TFDP2: variants seen among roughly 807,000 people sequenced by gnomAD.
The protein encoded by TFDP2 is transcription factor Dp-2.
TFDP2 carries 17 observed loss-of-function variants against 59.3 expected under a neutral mutation model. The ratio of observed to expected loss-of-function variants is 0.29; its 90% CI spans 0.20 to 0.43. TFDP2 has a LOEUF of 0.43. Ranked by LOEUF, TFDP2 falls within the 20% of genes least tolerant of loss-of-function variation. The probability of loss-of-function intolerance (pLI) is 1.00; values close to 1 mark genes in which losing one functional copy is unlikely to be tolerated. For missense variants in TFDP2, 391 were observed against 528.8 expected, an observed-to-expected ratio of 0.74 and a Z score of 2.56; for synonymous variants, 180 against 194.7, an observed-to-expected ratio of 0.92 and a Z score of 0.63.
chr3:142,007,554 G>T (rs1159063335), intron 3 of TFDP2, among the ~76,000 whole-genome samples: 1 of 152,184 alleles, frequency 6.6e-6, no homozygotes, highest in Non-Finnish European at 1.5e-5. Context: ...GTTTTGCAAT[G>T]ATTCCAGAAT....
chr3:141,986,541 AATTC>A (rs1431193311), intron 6 of TFDP2, among the ~76,000 whole-genome samples: 4 of 152,316 alleles, frequency 2.6e-5, no homozygotes, highest in African/African-American at 9.6e-5. Flanking sequence ...AATACATTGC[AATTC>A]ATTCATCCAT....
rs377301124 is a variant in TFDP2 at position 141,950,335 on chromosome 3, G to A, written c.*2178C>T. 101 of 152,324 alleles carry A rather than the reference G, an allele frequency of 6.6e-4. No individual in the cohort carries two copies. Among genetic ancestry groups the A allele is most frequent in the African/African-American group, 2.3e-3 (97 of 41,586 alleles). 9.4% of individuals were successfully genotyped at this position (152,324 alleles called of 1,614,324 possible). On this transcript the variant is annotated 3_prime_UTR_variant, in exon 13 of 13. Transcript: ENST00000489671. The stretch of plus-strand genomic sequence containing the variant: ...TAACCCAAACACAACGCTGAGGAAG[G>A]AGACCATTTCCCACCAACAGCACAC...
intron 3 of TFDP2, among the ~76,000 whole-genome samples, chr3:142,066,393 C>T (rs1209268542): frequency 6.6e-6 from 1 of 152,144 alleles, no homozygotes; most frequent in Non-Finnish European, 1.5e-5. Context: ...ATGCACCTAA[C>T]CTATCAAACA....
intron 4 of TFDP2, among the ~76,000 whole-genome samples, chr3:142,003,279 A>G (rs553260395): frequency 5.6e-4 from 85 of 151,588 alleles, no homozygotes; most frequent in African/African-American, 2.0e-3. Context: ...GATTACAGAC[A>G]TGAGCCACCA....
intron 3 of TFDP2, among the ~76,000 whole-genome samples, chr3:142,027,205 G>A (rs1377161950): frequency 6.6e-6 from 1 of 151,806 alleles, no homozygotes; most frequent in African/African-American, 2.4e-5. Flanking sequence ...AATTATACAG[G>A]CTACAGGCAA....
intron 10 of TFDP2, among the ~76,000 whole-genome samples, chr3:141,960,852 G>A (rs1213053860): frequency 1.3e-5 from 2 of 152,030 alleles, no homozygotes; most frequent in African/African-American, 4.8e-5. Context: ...AAAGCCTCTT[G>A]GCTAATTATG....
intron 7 of TFDP2, among the ~76,000 whole-genome samples, chr3:141,975,128 G>C (rs969636141): frequency 7.9e-5 from 12 of 151,748 alleles, no homozygotes; most frequent in South Asian, 2.1e-4. Flanking sequence ...TGGCCAGGCT[G>C]ATCTTGAACT....
intron 4 of TFDP2, among the ~76,000 whole-genome samples, chr3:141,999,881 G>A (rs1379447374): frequency 2.0e-5 from 3 of 151,912 alleles, no homozygotes; most frequent in Non-Finnish European, 4.4e-5. Flanking sequence ...GACTACAGGC[G>A]CCTGCCACCA....
intron 3 of TFDP2, among the ~76,000 whole-genome samples, chr3:142,065,797 C>T (rs2060058641): frequency 6.6e-6 from 1 of 151,698 alleles, no homozygotes; most frequent in South Asian, 2.1e-4. Flanking sequence ...TGGACACCTG[C>T]CAAAGAATTT....
intron 7 of TFDP2, among the ~76,000 whole-genome samples, chr3:141,977,692 A>G (rs913178312): frequency 5.9e-4 from 89 of 151,980 alleles, no homozygotes; most frequent in African/African-American, 2.1e-3. Context: ...AACAATAAAA[A>G]ATTATTGGAT....
At chr3:142,148,942 G>T (rs904132458) in intron 1 of TFDP2, among the ~76,000 whole-genome samples, 2 of 152,208 alleles carry the variant, frequency 1.3e-5, no homozygotes, top group African/African-American at 4.8e-5. Context: ...CGTGACTCAG[G>T]GACGTTACCT....
rs1346238063 is a variant in TFDP2, at chr3:141,998,331, C to A, written c.187-3190G>T. On this transcript the variant is annotated intron_variant, in intron 4 of 12. Transcript: ENST00000489671. Reference sequence around the variant, plus strand: ...CTTAATTTTGAAATCCCAGGCCAGGCACAGTGGCTCACTCCTATAATCCCC... The same window carrying A: ...CTTAATTTTGAAATCCCAGGCCAGGAACAGTGGCTCACTCCTATAATCCCC... 2.0e-5 allele frequency among the ~76,000 whole-genome samples: 3 copies of A among 152,150 alleles called. No individual in the cohort carries two copies. The East Asian group carries it at 5.8e-4, about 29-fold the overall frequency.
chr3:142,005,581 C>T (rs548638386), intron 3 of TFDP2, 37 bp from the exon 4 acceptor site: 1 of 1,446,528 alleles, frequency 6.9e-7, no homozygotes, highest in East Asian at 2.4e-5. Flanking sequence ...AGTATTCTGC[C>T]ATACCAAGGC....
intron 9 of TFDP2, among the ~76,000 whole-genome samples, chr3:141,965,171 A>G (rs1386652616): frequency 6.7e-6 from 1 of 150,016 alleles, no homozygotes; most frequent in African/African-American, 2.5e-5. Context: ...TGCTCAAGAA[A>G]CAGATAACGT....
rs10589827 is a variant in TFDP2 at position 142,025,024 on chromosome 3, G to GA, written c.83-19481dup. Among the ~76,000 whole-genome samples, 179 of 144,626 alleles carry GA rather than the reference G, an allele frequency of 1.2e-3. 3 individuals are homozygous for GA. Among genetic ancestry groups the GA allele is most frequent in the African/African-American group, 4.1e-3 (160 of 39,336 alleles). 94.9% of individuals were successfully genotyped at this position (144,626 alleles called of 152,430 possible). A position where few individuals can be genotyped will look rare whatever the true frequency, so the allele number is the denominator to read the frequency against. ...GACAACAGCGAGACTCTGTCTCAAA[G>GA]AAAAAAAAAAAAAGATTTAATTTAA... On this transcript the variant is annotated intron_variant, in intron 3 of 12. Transcript: ENST00000489671.
intron 3 of TFDP2, among the ~76,000 whole-genome samples, chr3:142,071,200 A>G (rs1015346781): frequency 2.0e-5 from 3 of 151,734 alleles, no homozygotes; most frequent in Admixed American, 2.0e-4. Flanking sequence ...TCTGTCACCC[A>G]GGCTGAAGTG....
At chr3:142,147,058 C>CAAA (rs3070389) in intron 1 of TFDP2, among the ~76,000 whole-genome samples, 31 of 105,096 alleles carry the variant, frequency 2.9e-4, no homozygotes, top group Non-Finnish European at 3.9e-4. Context: ...AACCCTGTCT[C>CAAA]AAAAAAAAAA....
At chr3:142,116,946 G>C (rs536189183) in intron 1 of TFDP2, among the ~76,000 whole-genome samples, 30 of 151,684 alleles carry the variant, frequency 2.0e-4, no homozygotes, top group Middle Eastern at 3.4e-3. Flanking sequence ...TTTTGAGACA[G>C]AGTCTCGTTC....
intron 6 of TFDP2, among the ~76,000 whole-genome samples, chr3:141,989,957 G>A (rs559926927): frequency 1.3e-5 from 2 of 151,568 alleles, no homozygotes; most frequent in Non-Finnish European, 2.9e-5. Flanking sequence ...GCAGTGGCAC[G>A]AACTTGGCTC....
Sources: allele counts gnomAD v4.1 joint callset (sites outside exome capture counted in the v4.1 genomes callset), GRCh38; gene constraint gnomAD v4.1.1; transcripts MANE v1.5; gene names NCBI Gene and HGNC (gene_info 2026-07-23, HGNC 2026-07-21).